Variants in C8orf89 observed in about 807,000 individuals in gnomAD.
C8orf89 encodes chromosome 8 open reading frame 89, also known as putative uncharacterized protein C8orf89.
C8orf89 carries 14 observed loss-of-function variants against 15.8 expected under a neutral mutation model. The ratio of observed to expected loss-of-function variants is 0.89; its 90% CI spans 0.59 to 1.39. C8orf89 has a LOEUF of 1.39. C8orf89 is among the 40% of genes most tolerant of loss of function. C8orf89 has a pLI of 0.00. For synonymous variants in C8orf89, 55 were observed against 62.2 expected (o/e 0.88, Z 0.54); for missense variants, 181 against 184.5 (o/e 0.98, Z 0.11).
chr8:73,276,095 A>G, the C8orf89 span, among the ~76,000 whole-genome samples: 3 of 151,864 alleles, frequency 2.0e-5, no homozygotes, highest in Admixed American at 2.0e-4. Context: ...AAGGGTTCAT[A>G]GGAAGTAAAA....
At position 73,246,766 on chromosome 8, in the gene C8orf89, G is replaced by C. The variant is rs1431997549; in HGVS notation, c.337+3502C>G. On this transcript the variant is annotated intron_variant, in intron 3 of 3. Coordinates refer to ENST00000624510, the MANE Select transcript of C8orf89 (RefSeq NM_001243237.3). ...ATTGTTTTAGTATATGAAATTAAGA[G>C]AGAGAAAACATCCAAGGAAAAGTTC... Among the ~76,000 whole-genome samples the C allele has an allele frequency of 2.0e-5, 3 of 152,296 alleles. No individual in the cohort carries two copies. The East Asian group carries it at 5.8e-4, about 29-fold the overall frequency.
intron 3 of C8orf89, among the ~76,000 whole-genome samples, chr8:73,249,562 T>G (rs747334246): frequency 5.3e-5 from 8 of 152,130 alleles, no homozygotes; most frequent in Non-Finnish European, 1.2e-4. Context: ...TTTTCTTTGA[T>G]GGTAGGCTAT....
the C8orf89 span, among the ~76,000 whole-genome samples, chr8:73,276,805 A>ATTTTTTTTTT: frequency 1.9e-4 from 17 of 87,638 alleles, 1 homozygote; most frequent in Admixed American, 3.4e-4. Context: ...CACAGCAGTC[A>ATTTTTTTTTT]TTTTTTTTTT....
At chr8:73,266,193 C>T in the C8orf89 span, among the ~76,000 whole-genome samples, 1 of 152,226 alleles carries the variant, frequency 6.6e-6, no homozygotes, top group African/African-American at 2.4e-5. Context: ...AAGAGGGAGA[C>T]AGAAGAGTGA....
intron 3 of C8orf89, among the ~76,000 whole-genome samples, chr8:73,241,982 TA>T (rs371961219): frequency 0.03 from 4,602 of 151,134 alleles, 78 homozygotes; most frequent in Non-Finnish European, 0.038. Flanking sequence ...TCTCGACATA[TA>T]AAAAAAAATC....
At chr8:73,274,078 G>A in the C8orf89 span, among the ~76,000 whole-genome samples, 2 of 151,710 alleles carry the variant, frequency 1.3e-5, no homozygotes, top group Non-Finnish European at 2.9e-5. Flanking sequence ...TATATTGCTT[G>A]TCAAAAGGAC....
At chr8:73,277,264 G>A in the C8orf89 span, 1 of 512,256 alleles carries the variant, frequency 2.0e-6, no homozygotes, top group Non-Finnish European at 3.5e-6. Flanking sequence ...GTATAAATGG[G>A]TTTCTCACTC....
chr8:73,272,524 A>G, the C8orf89 span, among the ~76,000 whole-genome samples: 3 of 152,082 alleles, frequency 2.0e-5, no homozygotes, highest in African/African-American at 7.2e-5. Context: ...TTATATATGT[A>G]TACATGTGCC....
intron 2 of C8orf89, among the ~76,000 whole-genome samples, chr8:73,256,743 A>AAAAAC: frequency 6.6e-6 from 1 of 151,306 alleles, no homozygotes; most frequent in Non-Finnish European, 1.5e-5. Flanking sequence ...AAAAAAAAAA[A>AAAAAC]AAAAAAGCCC....
the C8orf89 span, among the ~76,000 whole-genome samples, chr8:73,269,934 T>C: frequency 6.6e-6 from 1 of 152,246 alleles, no homozygotes; most frequent in East Asian, 1.9e-4. Flanking sequence ...TATTTATCTA[T>C]ATTTTTGAAG....
At chr8:73,270,704 G>A in the C8orf89 span, among the ~76,000 whole-genome samples, 583 of 152,216 alleles carry the variant, frequency 3.8e-3, 3 homozygotes, top group Non-Finnish European at 7.1e-3. Flanking sequence ...CCAGGAGTTC[G>A]AGACCAGCCT....
At chr8:73,272,618 T>C in the C8orf89 span, among the ~76,000 whole-genome samples, 3 of 149,092 alleles carry the variant, frequency 2.0e-5, no homozygotes, top group East Asian at 2.1e-4. Context: ...CCCCACCCCA[T>C]GATAGGCCCC....
At chr8:73,246,192 CT>C (rs779338414) in intron 3 of C8orf89, among the ~76,000 whole-genome samples, 12 of 152,194 alleles carry the variant, frequency 7.9e-5, no homozygotes, top group Non-Finnish European at 1.5e-4. Context: ...AAATGTTATT[CT>C]TCACATCAAA....
the C8orf89 span, among the ~76,000 whole-genome samples, chr8:73,272,787 T>A: frequency 6.6e-6 from 1 of 152,218 alleles, no homozygotes; most frequent in Non-Finnish European, 1.5e-5. Context: ...CATGAACTCA[T>A]CATTTTTTTA....
At chr8:73,264,453 C>T (rs902777168), upstream of C8orf89, among the ~76,000 whole-genome samples, 1 of 152,074 alleles carries the variant, frequency 6.6e-6, no homozygotes, top group Non-Finnish European at 1.5e-5. Context: ...GGGCAAGAAG[C>T]GCTTCAGACT....
chr8:73,245,303 A>G (rs1813101065), intron 3 of C8orf89, among the ~76,000 whole-genome samples: 2 of 152,262 alleles, frequency 1.3e-5, no homozygotes, highest in Non-Finnish European at 2.9e-5. Flanking sequence ...CAGTCAAAAA[A>G]CAAATCATAA....
the C8orf89 span, chr8:73,277,506 CCT>C: frequency 1.3e-6 from 1 of 788,520 alleles, no homozygotes; most frequent in Non-Finnish European, 2.2e-6. Context: ...CGAAAACTTC[CCT>C]GAGGATGAAG....
intron 2 of C8orf89, among the ~76,000 whole-genome samples, chr8:73,253,570 A>G (rs1813298292): frequency 6.6e-6 from 1 of 151,674 alleles, no homozygotes; most frequent in Non-Finnish European, 1.5e-5. Context: ...ACCCATGAGC[A>G]TGGAATGTTC....
At chr8:73,277,096 T>C in the C8orf89 span, among the ~76,000 whole-genome samples, 19 of 152,256 alleles carry the variant, frequency 1.2e-4, no homozygotes, top group Middle Eastern at 3.4e-3. Context: ...CATGAGCCAC[T>C]GCGCCCATCC....
Sources: gnomAD v4.1 joint callset for allele counts (sites outside exome capture counted in the v4.1 genomes callset) on GRCh38, gnomAD v4.1.1 for gene constraint, MANE v1.5 for transcripts, NCBI Gene and HGNC (gene_info 2026-07-23, HGNC 2026-07-21) for gene names.